The following ALK variants were observed in gnomAD, a reference collection of about 807,000 sequenced individuals.
ALK encodes the protein ALK tyrosine kinase receptor.
In ALK, 74 loss-of-function variants were observed where a neutral mutation model predicts 163.1. That is an observed-to-expected ratio of 0.45 (90% CI 0.38 to 0.55). ALK has a LOEUF of 0.55. Ranked by LOEUF, ALK falls within the 20% of genes least tolerant of loss-of-function variation. ALK has a pLI of 0.00. For synonymous variants in ALK, 960 were observed against 843.2 expected (o/e 1.14, Z -2.40); for missense variants, 2,063 against 2,105.3 (o/e 0.98, Z 0.39).
intron 5 of ALK, among the ~76,000 whole-genome samples, chr2:29,346,035 A>G (rs914127802): frequency 3.3e-5 from 5 of 152,218 alleles, no homozygotes; most frequent in African/African-American, 1.2e-4. Flanking sequence ...GTGTCCTATA[A>G]TGGACATATA....
At position 29,520,298 on chromosome 2, in the gene ALK, C is replaced by T. The variant is rs986199398; in HGVS notation, c.1154+11617G>A. Among the ~76,000 whole-genome samples the T allele has an allele frequency of 2.6e-5, 4 of 152,202 alleles. No homozygotes were observed. The East Asian group carries it at 7.7e-4, about 29-fold the overall frequency. On this transcript the variant is annotated intron_variant, in intron 4 of 28. Transcript: ENST00000389048. ...TGAAGAACAGAGATGGAATTTTGGTCAAGAGCATTATAGATGCATTCTTAA... is the reference window on the plus strand; with the variant it reads ...TGAAGAACAGAGATGGAATTTTGGTTAAGAGCATTATAGATGCATTCTTAA...
At chr2:29,449,125 A>G (rs1163682078) in intron 4 of ALK, among the ~76,000 whole-genome samples, 2 of 152,138 alleles carry the variant, frequency 1.3e-5, no homozygotes, top group Non-Finnish European at 2.9e-5. Flanking sequence ...ATATCATATG[A>G]TTTATTTATT....
chr2:29,306,565 C>T (rs1666513861), intron 8 of ALK, among the ~76,000 whole-genome samples: 1 of 152,166 alleles, frequency 6.6e-6, no homozygotes, highest in Non-Finnish European at 1.5e-5. Context: ...AGATCTTATC[C>T]TAGAAATACT....
intron 4 of ALK, among the ~76,000 whole-genome samples, chr2:29,441,756 T>C (rs1192529615): frequency 6.6e-6 from 1 of 152,132 alleles, no homozygotes; most frequent in East Asian, 1.9e-4. Context: ...TACAGTTGCA[T>C]TGAGACTAAG....
At chr2:29,795,613 TA>T (rs1312666711) in intron 1 of ALK, among the ~76,000 whole-genome samples, 1 of 152,126 alleles carries the variant, frequency 6.6e-6, no homozygotes, top group Non-Finnish European at 1.5e-5. Context: ...AGTGATAAAG[TA>T]AATATGGCAT....
At chr2:29,392,997 G>GTT (rs70958258) in intron 4 of ALK, among the ~76,000 whole-genome samples, 24 of 151,988 alleles carry the variant, frequency 1.6e-4, no homozygotes, top group African/African-American at 5.3e-4. Context: ...GTCACTGAAT[G>GTT]CTCAAGGTCA....
At chr2:29,399,193 G>C (rs570685440) in intron 4 of ALK, among the ~76,000 whole-genome samples, 7 of 152,190 alleles carry the variant, frequency 4.6e-5, no homozygotes, top group Non-Finnish European at 7.3e-5. Context: ...AGCTCTAAGA[G>C]GTAGGAATTG....
At chr2:29,583,988 A>T (rs557931333) in intron 3 of ALK, among the ~76,000 whole-genome samples, 1 of 152,340 alleles carries the variant, frequency 6.6e-6, no homozygotes, top group East Asian at 1.9e-4. Flanking sequence ...CATAAAACAA[A>T]AACAATTAGC....
chr2:29,290,423 T>G (rs1665990690), intron 9 of ALK, among the ~76,000 whole-genome samples: 1 of 152,238 alleles, frequency 6.6e-6, no homozygotes, highest in Non-Finnish European at 1.5e-5. Context: ...AGGCGAGTGA[T>G]GTCTGCTCCT....
intron 1 of ALK, among the ~76,000 whole-genome samples, chr2:29,719,514 G>A (rs951027720): frequency 2.6e-5 from 4 of 152,178 alleles, no homozygotes; most frequent in African/African-American, 9.7e-5. Flanking sequence ...AAGTTTATTA[G>A]CCTTTTAAAA....
chr2:29,664,235 G>C (rs1489108321), intron 3 of ALK, among the ~76,000 whole-genome samples: 1 of 152,116 alleles, frequency 6.6e-6, no homozygotes, highest in Non-Finnish European at 1.5e-5. Flanking sequence ...GGGTTGATTT[G>C]CATAAGTCTG....
At chr2:29,417,527 T>C (rs1474853771) in intron 4 of ALK, among the ~76,000 whole-genome samples, 1 of 152,220 alleles carries the variant, frequency 6.6e-6, no homozygotes, top group African/African-American at 2.4e-5. Context: ...AGAGATCCTC[T>C]GTTCTAATCA....
At chr2:29,402,884 AC>A (rs1397183767) in intron 4 of ALK, among the ~76,000 whole-genome samples, 1 of 150,354 alleles carries the variant, frequency 6.7e-6, no homozygotes, top group Non-Finnish European at 1.5e-5. Context: ...CCTCCTCCCT[AC>A]CCCCTCTTTG....
chr2:29,559,411 G>A (rs1322477813), intron 3 of ALK, among the ~76,000 whole-genome samples: 1 of 152,214 alleles, frequency 6.6e-6, no homozygotes, highest in Non-Finnish European at 1.5e-5. Flanking sequence ...CGTATGGGCT[G>A]AATTCTGCAT....
At chr2:29,452,907 G>A (rs1303413462) in intron 4 of ALK, among the ~76,000 whole-genome samples, 4 of 152,160 alleles carry the variant, frequency 2.6e-5, no homozygotes, top group East Asian at 3.9e-4. Context: ...AATACCTGGC[G>A]ATTCTATTCA....
At chr2:29,693,878 C>G (rs888626193) in intron 3 of ALK, among the ~76,000 whole-genome samples, 6 of 152,176 alleles carry the variant, frequency 3.9e-5, no homozygotes, top group African/African-American at 1.4e-4. Context: ...GGCAGTCACT[C>G]CCCCGCTCTG....
At chr2:29,577,471 C>G (rs1180765003) in intron 3 of ALK, among the ~76,000 whole-genome samples, 2 of 152,116 alleles carry the variant, frequency 1.3e-5, no homozygotes, top group Non-Finnish European at 2.9e-5. Context: ...GTCTAATTGC[C>G]TTAAATAACA....
rs879094227 is a variant in ALK at position 29,920,912 on chromosome 2, G to A, written c.-253C>T. The stretch of plus-strand genomic sequence containing the variant: ...CTCAAGCACACTGGGCTCACTGGCT[G>A]GGACCTTGAGCCTCCCGCTCTCCGC... On this transcript the variant is annotated 5_prime_UTR_variant, in exon 1 of 29. Transcript: ENST00000389048. 1.3e-5 allele frequency: 7 copies of A among 540,292 alleles called. No homozygotes were observed. The South Asian group carries it at 1.7e-4, about 13-fold the overall frequency. The allele number at this position is 540,292 out of a possible 1,614,324, so 33.5% of individuals were successfully genotyped here. A position where few individuals can be genotyped will look rare whatever the true frequency, so the allele number is the denominator to read the frequency against.
At chr2:29,440,233 C>G (rs1307888570) in intron 4 of ALK, among the ~76,000 whole-genome samples, 3 of 150,648 alleles carry the variant, frequency 2.0e-5, no homozygotes, top group Admixed American at 1.3e-4. Flanking sequence ...GACTCCATCT[C>G]AAAAACAAAA....
Sources: gnomAD v4.1 joint callset for allele counts (sites outside exome capture counted in the v4.1 genomes callset) on GRCh38, gnomAD v4.1.1 for gene constraint, MANE v1.5 for transcripts, NCBI Gene and HGNC (gene_info 2026-07-23, HGNC 2026-07-21) for gene names.